RANBP2: variants seen among roughly 807,000 people sequenced by gnomAD.
The protein encoded by RANBP2 is RAN binding protein 2.
In RANBP2, 57 loss-of-function variants were observed where a neutral mutation model predicts 303.6. That is an observed-to-expected ratio of 0.19 (90% CI 0.15 to 0.23). The LOEUF is 0.23. RANBP2 is among the 10% of genes least tolerant of loss of function. The pLI is 1.00. For missense variants in RANBP2, 3,138 were observed against 3,780.8 expected (o/e 0.83, Z 4.46); for synonymous variants, 1,167 against 1,301.5 (o/e 0.90, Z 2.23).
the RANBP2 span, among the ~76,000 whole-genome samples, chr2:109,657,775 A>G: frequency 7.4e-6 from 1 of 134,952 alleles, no homozygotes; most frequent in African/African-American, 2.8e-5. Flanking sequence ...GCTGGAGTGC[A>G]ATGGCACAAT....
the RANBP2 span, among the ~76,000 whole-genome samples, chr2:109,175,993 C>T: frequency 6.6e-6 from 1 of 152,128 alleles, no homozygotes. Context: ...CAGAAAAGAT[C>T]CACGTGGTCT....
the RANBP2 span, among the ~76,000 whole-genome samples, chr2:109,496,673 G>A: frequency 2.6e-5 from 4 of 152,168 alleles, no homozygotes; most frequent in East Asian, 1.9e-4. Context: ...GGATTTCAGC[G>A]TTCCTTGATC....
Position 108,719,643 on chromosome 2 carries a change from G to A in RANBP2, c.37G>A (p.Ala13Thr), listed in dbSNP as rs1308713096. ...RSKADVERYIASVQGSTPSPR... is the reference protein window; with the variant it reads ...RSKADVERYITSVQGSTPSPR... ...CAAGGCTGACGTGGAGCGGTACATC[G>A]CCTCGGTGCAGGGCTCCACCCCGTC... Residue 13 changes from alanine (A) to threonine (T), a missense_variant, in exon 1 of 29, where the codon GCC becomes ACC. Ala to Thr is a moderately conservative substitution (Grantham distance 58). Coordinates refer to ENST00000283195, the MANE Select transcript of RANBP2 (RefSeq NM_006267.5). 9.3e-6 allele frequency: 15 copies of A among 1,608,018 alleles called. No individual in the cohort carries two copies. The highest frequency in any genetic ancestry group is 5.3e-5 in the African/African-American group (4 of 74,818).
chr2:109,704,719 C>T, the RANBP2 span, among the ~76,000 whole-genome samples: 1 of 151,984 alleles, frequency 6.6e-6, no homozygotes, highest in East Asian at 1.9e-4. Flanking sequence ...GGCGTGGTGG[C>T]AGGCACCTGT....
chr2:109,484,048 G>A, the RANBP2 span, among the ~76,000 whole-genome samples: 1 of 147,468 alleles, frequency 6.8e-6, no homozygotes, highest in Non-Finnish European at 1.5e-5. Flanking sequence ...GCACCAAGGT[G>A]TGCCATCCTC....
the RANBP2 span, among the ~76,000 whole-genome samples, chr2:108,994,152 G>C: frequency 6.6e-6 from 1 of 152,128 alleles, no homozygotes; most frequent in African/African-American, 2.4e-5. Context: ...TCCCCCCATG[G>C]ACACCTTATT....
the RANBP2 span, among the ~76,000 whole-genome samples, chr2:109,173,477 C>T: frequency 1.3e-5 from 2 of 152,214 alleles, no homozygotes; most frequent in Admixed American, 1.3e-4. Flanking sequence ...GCCTTACCCA[C>T]AGGCAGATTT....
the RANBP2 span, among the ~76,000 whole-genome samples, chr2:109,411,943 C>T: frequency 1.3e-5 from 2 of 152,240 alleles, no homozygotes; most frequent in Non-Finnish European, 1.5e-5. Flanking sequence ...ATGTCTCCCT[C>T]CTGCTGTCTT....
the RANBP2 span, among the ~76,000 whole-genome samples, chr2:109,172,869 A>G: frequency 6.6e-6 from 1 of 152,238 alleles, no homozygotes; most frequent in Non-Finnish European, 1.5e-5. Flanking sequence ...AGCTGAGTCC[A>G]GTATTTCTCT....
In RANBP2 at chr2:108,754,988, C is replaced by G. The variant is rs1676186536; in HGVS notation, c.2286C>G (p.Leu762=). ...ELEDYSEGGP[L]YKNGSLRNAD... ...AAGACTATAGTGAAGGAGGTCCTCT[C>G]TATAAAAATGGTTCTTTGCGAAATG... Residue 762 remains leucine, a synonymous_variant, in exon 16 of 29, where the codon CTC becomes CTG. Transcript: ENST00000283195. 2.5e-6 allele frequency: 4 copies of G among 1,611,788 alleles called. No homozygotes were observed. The highest frequency in any genetic ancestry group is 2.2e-5 in the East Asian group (1 of 44,832).
chr2:109,678,332 G>A, the RANBP2 span, among the ~76,000 whole-genome samples: 1 of 152,260 alleles, frequency 6.6e-6, no homozygotes, highest in Non-Finnish European at 1.5e-5. Flanking sequence ...GACATTAGGA[G>A]GATTGCCAAG....
At chr2:109,157,859 C>T in the RANBP2 span, among the ~76,000 whole-genome samples, 71,203 of 151,846 alleles carry the variant, frequency 0.47, 17,604 homozygotes, top group Non-Finnish European at 0.55. Flanking sequence ...GGATTAAGGC[C>T]ACACAGCTCT....
At chr2:109,260,022 G>T in the RANBP2 span, among the ~76,000 whole-genome samples, 2 of 152,186 alleles carry the variant, frequency 1.3e-5, no homozygotes, top group African/African-American at 4.8e-5. Context: ...TTTCCAAGTA[G>T]TAATTGTAAT....
intron 6 of RANBP2, among the ~76,000 whole-genome samples, chr2:108,738,237 A>G (rs1573724852): frequency 6.8e-6 from 1 of 146,744 alleles, no homozygotes; most frequent in South Asian, 2.1e-4. Context: ...CACCACACCC[A>G]GCTAATTTTT....
At chr2:109,041,928 G>T in the RANBP2 span, among the ~76,000 whole-genome samples, 1 of 152,004 alleles carries the variant, frequency 6.6e-6, no homozygotes, top group East Asian at 1.9e-4. Flanking sequence ...TTAATGTGGT[G>T]AATTACAATG....
the RANBP2 span, among the ~76,000 whole-genome samples, chr2:109,055,993 C>T: frequency 1.1e-4 from 17 of 149,462 alleles, no homozygotes; most frequent in African/African-American, 3.9e-4. Context: ...CTCCTGATCT[C>T]GTGATCCACC....
chr2:109,346,717 A>G, the RANBP2 span, among the ~76,000 whole-genome samples: 4 of 152,254 alleles, frequency 2.6e-5, no homozygotes, highest in East Asian at 7.7e-4. Flanking sequence ...TATTGCTGAC[A>G]AGCAGAAGCA....
chr2:108,842,948 C>G, the RANBP2 span, among the ~76,000 whole-genome samples: 1 of 152,046 alleles, frequency 6.6e-6, no homozygotes, highest in Non-Finnish European at 1.5e-5. Context: ...TTTCTGTATA[C>G]GCTTAGAACC....
chr2:109,401,058 G>A, the RANBP2 span, among the ~76,000 whole-genome samples: 1 of 152,200 alleles, frequency 6.6e-6, no homozygotes, highest in African/African-American at 2.4e-5. Context: ...GCACATCTGG[G>A]GGGTAAAGCC....
Sources: gnomAD v4.1 joint callset for allele counts (sites outside exome capture counted in the v4.1 genomes callset) on GRCh38, gnomAD v4.1.1 for gene constraint, MANE v1.5 for transcripts, NCBI Gene and HGNC (gene_info 2026-07-23, HGNC 2026-07-21) for gene names.